The following ADAM33 variants were observed in gnomAD, a reference collection of about 807,000 sequenced individuals.
The protein encoded by ADAM33 is disintegrin and metalloproteinase domain-containing protein 33.
Under a neutral mutation model 106.2 loss-of-function variants are expected in ADAM33, and 103 were observed. That is an observed-to-expected ratio of 0.97 (90% CI 0.83 to 1.14). The LOEUF (loss-of-function observed/expected upper bound fraction) is 1.14. ADAM33 is among the 50% of genes most tolerant of loss of function. ADAM33 has a pLI of 0.00. For synonymous variants in ADAM33, 483 were observed against 453.0 expected (o/e 1.07, Z -0.84); for missense variants, 1,120 against 1,096.6 (o/e 1.02, Z -0.30).
chr20:3,677,954 A>G (rs912065330), intron 2 of ADAM33, among the ~76,000 whole-genome samples: 3 of 152,018 alleles, frequency 2.0e-5, no homozygotes, highest in Non-Finnish European at 4.4e-5. Flanking sequence ...GGAATGTTTA[A>G]CCCCCGACTC....
intron 4 of ADAM33, 57 bp from the exon 5 acceptor site, chr20:3,674,906 G>GAT (rs781290601): frequency 2.5e-6 from 4 of 1,608,642 alleles, no homozygotes; most frequent in Non-Finnish European, 3.4e-6. Context: ...AGAGGGGCAA[G>GAT]AGGGAGGGTG....
At chr20:3,672,026 G>C (rs776115527) in intron 14 of ADAM33, 41 bp from the exon 15 acceptor site, 58 of 1,552,566 alleles carry the variant, frequency 3.7e-5, no homozygotes, top group Non-Finnish European at 4.8e-5. Context: ...CTCGGAGAGG[G>C]GCTGCGCTCA....
Position 3,669,545 on chromosome 20 carries a change from C to A in ADAM33, c.2332+1G>T. ...CCACCTCCCCCTGGTGCCTCACTCA[C>A]CCAGGGGCCAGGGCTGTCCAGTGGC... On this transcript the variant is annotated splice_donor_variant, in intron 20 of 21. Transcript: ENST00000356518. LOFTEE classifies it high-confidence loss of function. The A allele has an allele frequency of 6.3e-7, 1 of 1,584,540 alleles. No individual in the cohort carries two copies. The highest frequency in any genetic ancestry group is 8.6e-7 in the Non-Finnish European group (1 of 1,164,936).
intron 19 of ADAM33, chr20:3,670,394 G>T: frequency 6.3e-6 from 1 of 159,852 alleles, no homozygotes. Flanking sequence ...CCTGCCTAGG[G>T]CCCTGGTGCA....
intron 8 of ADAM33, 56 bp downstream of exon 8, chr20:3,674,008 C>G: frequency 6.2e-7 from 1 of 1,611,862 alleles, no homozygotes; most frequent in South Asian, 1.1e-5. Context: ...CCCACCAGCA[C>G]CTGCCTGTCC....
rs1191899064 is a variant in ADAM33, at chr20:3,668,408, G to C, written c.*555C>G. On this transcript the variant is annotated 3_prime_UTR_variant, in exon 22 of 22. Coordinates refer to ENST00000356518, the MANE Select transcript of ADAM33 (RefSeq NM_025220.5). ...TCCAGAACCTCAGGTGTAGCACTGG[G>C]ATTGGGGGTGGGGGCTCAGGAACCA... The C allele has an allele frequency of 1.3e-5, 2 of 158,208 alleles. No individual in the cohort carries two copies. The highest frequency in any genetic ancestry group is 4.8e-5 in the African/African-American group (2 of 41,582). The allele number at this position is 158,208 out of a possible 1,614,324, so 9.8% of individuals were successfully genotyped here.
chr20:3,669,456 G>A, intron 20 of ADAM33, 86 bp from the exon 21 acceptor site: 1 of 1,545,338 alleles, frequency 6.5e-7, no homozygotes, highest in South Asian at 1.2e-5. Flanking sequence ...GACTCAAGGT[G>A]ACTGGGTGCT....
In ADAM33 at chr20:3,675,618, C is replaced by T. The variant is rs375540628; in HGVS notation, c.255-513G>A. ...TAGACCCCACATACCTCCCACCTGT[C>T]CTTCAGTGATTGATGCTCACCCCCT... On this transcript the variant is annotated intron_variant, in intron 3 of 21. Coordinates refer to ENST00000356518, the MANE Select transcript of ADAM33 (RefSeq NM_025220.5). This position sits in a 1 kb window ranked among gnomAD's most constrained non-coding sequence, Gnocchi z 4.1. Among the ~76,000 whole-genome samples, 67 of 152,178 alleles carry T rather than the reference C, an allele frequency of 4.4e-4. No individual in the cohort carries two copies. The East Asian group carries it at 7.3e-3, about 17-fold the overall frequency.
chr20:3,678,316 T>A (rs2088153368), intron 2 of ADAM33, among the ~76,000 whole-genome samples: 1 of 152,222 alleles, frequency 6.6e-6, no homozygotes, highest in African/African-American at 2.4e-5. Context: ...CTGTACCATC[T>A]TGGCAGGCTT....
At chr20:3,672,103 G>A (rs73076686) in intron 14 of ADAM33, 31 bp downstream of exon 14, 2 of 1,599,136 alleles carry the variant, frequency 1.3e-6, no homozygotes, top group Non-Finnish European at 1.7e-6. Context: ...AGGATGGGGG[G>A]CAGGGTGCAA....
chr20:3,672,457 G>A (rs2087604246), intron 13 of ADAM33, 80 bp downstream of exon 13: 1 of 1,585,022 alleles, frequency 6.3e-7, no homozygotes, highest in East Asian at 2.3e-5. Context: ...GGGGGAACCT[G>A]AGGGCACCAA....
At chr20:3,672,663 C>T in intron 12 of ADAM33, 37 bp from the exon 13 acceptor site, 1 of 1,611,070 alleles carries the variant, frequency 6.2e-7, no homozygotes. Context: ...CAGGTGAGGG[C>T]GCAGCGCCCC....
At chr20:3,673,247 ATCCCC>A in intron 11 of ADAM33, 102 bp downstream of exon 11, 1 of 1,533,970 alleles carries the variant, frequency 6.5e-7, no homozygotes, top group Non-Finnish European at 8.7e-7. Flanking sequence ...TATGATCATT[ATCCCC>A]ATTTTACAGA....
chr20:3,678,492 C>G lies in ADAM33; in HGVS notation c.177+1000G>C, dbSNP rs41376446. Among the ~76,000 whole-genome samples, 68 of 152,346 alleles carry G rather than the reference C, an allele frequency of 4.5e-4. No individual in the cohort carries two copies. In the East Asian group the frequency reaches 9.7e-3, roughly 22 times the overall value. Reference sequence around the variant, plus strand: ...GGGAGGGCAATCTCAAAGCTCAGGCCAGTGCCGTGCTTGACCAGTGGAATG... The same window carrying G: ...GGGAGGGCAATCTCAAAGCTCAGGCGAGTGCCGTGCTTGACCAGTGGAATG... On this transcript the variant is annotated intron_variant, in intron 2 of 21. Transcript: ENST00000356518.
In ADAM33 at chr20:3,671,974, C is replaced by T. The variant is rs570272108; in HGVS notation, c.1609G>A (p.Ala537Thr). 10 of 1,555,466 alleles carry T rather than the reference C, an allele frequency of 6.4e-6. No individual in the cohort carries two copies. In the African/African-American group the frequency reaches 1.2e-4, roughly 19 times the overall value. The stretch of plus-strand genomic sequence containing the variant: ...ACCACCTGGAAACAGGCCTCGGGAG[C>T]TGGGTGGGAGCCTGAGGAAGCATGG... ...QQLWGPGSHP[A>T]PEACFQVVNS... Residue 537 changes from alanine to threonine, a missense_variant, in exon 15 of 22, where the codon GCT (alanine) becomes ACT (threonine). Ala to Thr is a moderately conservative substitution (Grantham distance 58). Transcript: ENST00000356518.
At chr20:3,676,720 C>T (rs1377025500) in intron 3 of ADAM33, among the ~76,000 whole-genome samples, 1 of 152,162 alleles carries the variant, frequency 6.6e-6, no homozygotes. Flanking sequence ...ATCTTGGTCC[C>T]TGCCATTCCC....
Position 3,671,259 on chromosome 20 carries a change from G to C in ADAM33, c.2070C>G (p.Asp690Glu). The change falls in exon 18 of 22, where the codon GAC becomes GAG. Residue 690 changes from aspartate (D) to glutamate (E), a missense_variant. Physicochemically the swap from Asp to Glu is conservative, Grantham distance 45 (BLOSUM62 2). Transcript: ENST00000356518. ...TACTTTCAGCCTGCACAGGGCCACT[G>C]TCCATGCTGCCACCAAAGCCTGGCT... Reference protein sequence around the residue: ...CDKPGFGGSMDSGPVQAENHD... With the variant: ...CDKPGFGGSMESGPVQAENHD... 1.2e-6 allele frequency: 2 copies of C among 1,613,946 alleles called. No homozygotes were observed. The highest frequency in any genetic ancestry group is 1.7e-6 in the Non-Finnish European group (2 of 1,179,992).
chr20:3,675,967 A>G lies in ADAM33; in HGVS notation c.255-862T>C, dbSNP rs2087919939. ...AGGAGGTAGGTGATGTGACCACCCCATTGAAAGGGTAGGGACGTCGGGAAA... is the reference window on the plus strand; with the variant it reads ...AGGAGGTAGGTGATGTGACCACCCCGTTGAAAGGGTAGGGACGTCGGGAAA... On this transcript the variant is annotated intron_variant, in intron 3 of 21. Transcript: ENST00000356518. The surrounding 1 kb of genome is among the most constrained non-coding windows in gnomAD (Gnocchi z 4.1). Among the ~76,000 whole-genome samples the G allele has an allele frequency of 6.8e-6, 1 of 146,568 alleles. No individual in the cohort carries two copies. Among genetic ancestry groups the G allele is most frequent in the South Asian group, 2.2e-4 (1 of 4,454 alleles).
In ADAM33 at chr20:3,669,293, G is replaced by A; in HGVS notation, c.2404+6C>T. 6.3e-7 allele frequency: 1 copy of A among 1,581,346 alleles called. No homozygotes were observed. The highest frequency in any genetic ancestry group is 8.5e-7 in the Non-Finnish European group (1 of 1,170,278). On this transcript the variant is annotated splice_donor_region_variant and intron_variant, in intron 21 of 21. Coordinates refer to ENST00000356518, the MANE Select transcript of ADAM33 (RefSeq NM_025220.5). ...GGGGAGGCTTTGAATCCAGGTCCCT[G>A]CCTACCTTGGGGGTCAGGCGAGACT...
Sources: allele counts gnomAD v4.1 joint callset (sites outside exome capture counted in the v4.1 genomes callset), GRCh38; gene constraint gnomAD v4.1.1; non-coding constraint Gnocchi (gnomAD v3.1); transcripts MANE v1.5; gene names NCBI Gene and HGNC (gene_info 2026-07-23, HGNC 2026-07-21).